CTCFL: variants seen among roughly 807,000 people sequenced by gnomAD.
CTCFL encodes CCCTC-binding factor like, also known as transcriptional repressor CTCFL.
Under a neutral mutation model 67.4 loss-of-function variants are expected in CTCFL, and 36 were observed. That is an observed-to-expected ratio of 0.53 (90% confidence interval 0.41 to 0.71). CTCFL has a LOEUF of 0.71. Among genes scored for constraint, CTCFL ranks in the 30% least tolerant of loss-of-function variants. The pLI is 0.00. For synonymous variants in CTCFL, 324 were observed against 302.3 expected (o/e 1.07, Z -0.75); for missense variants, 786 against 835.2 (o/e 0.94, Z 0.73).
intron 10 of CTCFL, chr20:57,500,310 C>T: frequency 4.8e-6 from 3 of 622,572 alleles, no homozygotes; most frequent in Non-Finnish European, 7.1e-6. Flanking sequence ...GAACAATTAG[C>T]CAGGCGTGGT....
In CTCFL at chr20:57,497,888, T is replaced by TAA. The variant is rs2067748725; in HGVS notation, c.*660_*661dup. 1.0e-6 allele frequency: 1 copy of TAA among 967,516 alleles called. No homozygotes were observed. Among genetic ancestry groups the TAA allele is most frequent in the Non-Finnish European group, 1.2e-6 (1 of 813,730 alleles). The allele number at this position is 967,516 out of a possible 1,614,324, so 59.9% of individuals were successfully genotyped here. A position where few individuals can be genotyped will look rare whatever the true frequency, so the allele number is the denominator to read the frequency against. On this transcript the variant is annotated 3_prime_UTR_variant, in exon 11 of 11. Coordinates refer to ENST00000243914, the MANE Select transcript of CTCFL (RefSeq NM_001386993.1). ...GGTGAACCTTGCTCCTATACCAAAG[T>TAA]AAAATCGATTTATTCCTTATTTTCT...
At chr20:57,506,591 C>T (rs781001019) in intron 9 of CTCFL, among the ~76,000 whole-genome samples, 17 of 152,284 alleles carry the variant, frequency 1.1e-4, no homozygotes, top group Middle Eastern at 3.4e-3. Context: ...TGTGAACCAC[C>T]GCGCCTGGCC....
rs771387934 is a variant in CTCFL, at chr20:57,514,748, T to C, written c.1181-7A>G. 1.9e-6 allele frequency: 3 copies of C among 1,613,548 alleles called. No homozygotes were observed. Among genetic ancestry groups the C allele is most frequent in the Non-Finnish European group, 2.5e-6 (3 of 1,179,690 alleles). On this transcript the variant is annotated splice_region_variant and splice_polypyrimidine_tract_variant and intron_variant, in intron 6 of 10. Coordinates refer to ENST00000243914, the MANE Select transcript of CTCFL (RefSeq NM_001386993.1). ...CATTCGTAAGGCTTCTCACCTGAGA[T>C]GCAGACAACAAAGTGATTCCCCCTC...
At chr20:57,514,850 C>T (rs2068802887) in intron 6 of CTCFL, 109 bp from the exon 7 acceptor site, 4 of 1,191,940 alleles carry the variant, frequency 3.4e-6, no homozygotes, top group Non-Finnish European at 4.7e-6. Context: ...TTATCAACCC[C>T]CTTCTCACCG....
At position 57,515,772 on chromosome 20, in the gene CTCFL, CT is replaced by C; in HGVS notation, c.1121del (p.Gln374ArgfsTer12). 6.2e-7 allele frequency: 1 copy of C among 1,614,170 alleles called. No homozygotes were observed. Among genetic ancestry groups the C allele is most frequent in the Non-Finnish European group, 8.5e-7 (1 of 1,180,034 alleles). On this transcript the variant is annotated frameshift_variant, in exon 6 of 11. Coordinates refer to ENST00000243914, the MANE Select transcript of CTCFL (RefSeq NM_001386993.1). LOFTEE classifies it high-confidence loss of function. ...HTGERPFQCCQCSYASRDTYK... is the reference protein window; with the variant it reads ...HTGERPFQCCXCSYASRDTYK... ...AGGTATCTCTGCTGGCATAGCTGCA[CT>C]GGCAACACTGAAAGGGGCGCTCCCC...
Position 57,524,059 on chromosome 20 carries a change from G to A in CTCFL, c.147C>T (p.Ala49=). ...CCTGGAAGGCCCCAGAGGTACGCTC[G>A]GCCTCCAACTCACTAGGGCTCCGAT... ...KDHRSPSELE[A]ERTSGAFQDS... is the part of the protein sequence containing the mutation. Residue 49 remains alanine, a synonymous_variant, in exon 2 of 11, where the codon GCC becomes GCT. Transcript: ENST00000243914. 2.5e-6 allele frequency: 4 copies of A among 1,613,556 alleles called. No individual in the cohort carries two copies. The highest frequency in any genetic ancestry group is 3.3e-5 in the Admixed American group (2 of 60,006).
rs1305892746 is a variant in CTCFL, at chr20:57,525,058, A to C, written c.-42T>G. On this transcript the variant is annotated 5_prime_UTR_variant, in exon 1 of 11. Coordinates refer to ENST00000243914, the MANE Select transcript of CTCFL (RefSeq NM_001386993.1). ...AAGGCGTGGCCGGAATGCTCGGCCCACTCCGTCTTTGGCTTGTGGGCTCTG... is the reference window on the plus strand; with the variant it reads ...AAGGCGTGGCCGGAATGCTCGGCCCCCTCCGTCTTTGGCTTGTGGGCTCTG... The C allele has an allele frequency of 6.6e-6, 1 of 150,782 alleles. No individual in the cohort carries two copies. The highest frequency in any genetic ancestry group is 2.5e-5 in the African/African-American group (1 of 40,740). 9.3% of individuals were successfully genotyped at this position (150,782 alleles called of 1,614,324 possible). A position where few individuals can be genotyped will look rare whatever the true frequency, so the allele number is the denominator to read the frequency against.
downstream of CTCFL, chr20:57,496,192 C>T (rs1450085763): frequency 5.8e-6 from 3 of 521,300 alleles, no homozygotes; most frequent in Non-Finnish European, 1.0e-5. Flanking sequence ...AGTGGCGGTT[C>T]TCAAGGAATC....
intron 9 of CTCFL, chr20:57,507,975 C>G: frequency 4.7e-6 from 3 of 643,152 alleles, no homozygotes; most frequent in African/African-American, 1.8e-5. Flanking sequence ...CAGGGTCTCA[C>G]TCTGTCTTTG....
At chr20:57,510,152 C>A (rs919837759) in intron 8 of CTCFL, among the ~76,000 whole-genome samples, 2 of 152,180 alleles carry the variant, frequency 1.3e-5, no homozygotes, top group African/African-American at 4.8e-5. Flanking sequence ...TGATTTTCAC[C>A]TTTGGTAACC....
intron 5 of CTCFL, among the ~76,000 whole-genome samples, chr20:57,517,900 C>T (rs1235080942): frequency 6.6e-6 from 1 of 152,200 alleles, no homozygotes; most frequent in Non-Finnish European, 1.5e-5. Flanking sequence ...CTCCATTTTG[C>T]ATTCTCATAC....
chr20:57,518,390 G>C, intron 5 of CTCFL: 1 of 609,714 alleles, frequency 1.6e-6, no homozygotes, highest in East Asian at 4.0e-5. Flanking sequence ...AAAAATTTCA[G>C]CCAACATTGA....
chr20:57,524,031 T>C lies in CTCFL; in HGVS notation c.175A>G (p.Ser59Gly), dbSNP rs1407717603. The change falls in exon 2 of 11, where the codon AGC (serine) becomes GGC (glycine). Residue 59 changes from serine (S) to glycine (G), a missense_variant. Physicochemically the swap from Ser to Gly is moderately conservative, Grantham distance 56 (BLOSUM62 0). Around this residue, in one of 3 missense-constraint regions of CTCFL, gnomAD observed 333 missense variants for 304.6 expected, o/e 1.09. Coordinates refer to ENST00000243914, the MANE Select transcript of CTCFL (RefSeq NM_001386993.1). ...AGCTCCACTTCTTCCTCCAGGACGC[T>C]GTCCTGGAAGGCCCCAGAGGTACGC... Reference protein sequence around the residue: ...AERTSGAFQDSVLEEEVELVL... With the variant: ...AERTSGAFQDGVLEEEVELVL... 3.1e-6 allele frequency: 5 copies of C among 1,613,344 alleles called. No homozygotes were observed. In the South Asian group the frequency reaches 3.3e-5, roughly 11 times the overall value.
chr20:57,511,192 C>T (rs966604014), intron 8 of CTCFL, among the ~76,000 whole-genome samples: 7 of 152,132 alleles, frequency 4.6e-5, no homozygotes, highest in Admixed American at 6.5e-5. Context: ...ATATGCACCA[C>T]CACCCACAGC....
In CTCFL at chr20:57,520,855, T is replaced by G. The variant is rs990620228; in HGVS notation, c.755-1478A>C. Among the ~76,000 whole-genome samples the G allele has an allele frequency of 5.9e-5, 9 of 152,380 alleles. No homozygotes were observed. In the South Asian group the frequency reaches 8.3e-4, roughly 14 times the overall value. On this transcript the variant is annotated intron_variant, in intron 3 of 10. Coordinates refer to ENST00000243914, the MANE Select transcript of CTCFL (RefSeq NM_001386993.1). ...GTGATCTTATGTGCAGAAAGGGTCT[T>G]TGCAGATGCAATCAAGCTAAGCTGA... is the stretch of plus-strand genomic sequence containing the variant.
chr20:57,507,113 G>T, intron 9 of CTCFL: 1 of 924,968 alleles, frequency 1.1e-6, no homozygotes. Flanking sequence ...CTTTGATGCT[G>T]TTCCTTTCAA....
chr20:57,515,326 G>A (rs763405460), intron 6 of CTCFL: 5 of 198,100 alleles, frequency 2.5e-5, no homozygotes, highest in Non-Finnish European at 4.2e-5. Context: ...TAAATTACTC[G>A]TAGAGACAGG....
At chr20:57,513,253 T>C in intron 7 of CTCFL, 1 of 985,632 alleles carries the variant, frequency 1.0e-6, no homozygotes, top group Non-Finnish European at 1.2e-6. Flanking sequence ...AATCCACTCG[T>C]TGTTAGAAGT....
At position 57,519,201 on chromosome 20, in the gene CTCFL, T is replaced by A; in HGVS notation, c.925+6A>T. The A allele has an allele frequency of 1.2e-6, 2 of 1,613,648 alleles. No individual in the cohort carries two copies. The highest frequency in any genetic ancestry group is 1.7e-6 in the Non-Finnish European group (2 of 1,179,626). On this transcript the variant is annotated splice_donor_region_variant and intron_variant, in intron 4 of 10. Coordinates refer to ENST00000243914, the MANE Select transcript of CTCFL (RefSeq NM_001386993.1). The stretch of plus-strand genomic sequence containing the variant: ...TCCAGAGAAACAGCCTTCCCGGCAG[T>A]TTTACCTGTGTGGGTGTTAACATGG...
Sources: allele counts gnomAD v4.1 joint callset (sites outside exome capture counted in the v4.1 genomes callset), GRCh38; gene constraint gnomAD v4.1.1; regional missense constraint gnomAD v4.1.1; transcripts MANE v1.5; gene names NCBI Gene and HGNC (gene_info 2026-07-23, HGNC 2026-07-21).